TNRC6B: variants seen among roughly 807,000 people sequenced by gnomAD.
TNRC6B encodes trinucleotide repeat containing adaptor 6B.
Under a neutral mutation model 203.6 loss-of-function variants are expected in TNRC6B, and 52 were observed. That is an observed-to-expected ratio of 0.26 (90% CI 0.20 to 0.32). TNRC6B has a LOEUF of 0.32. TNRC6B is among the 10% of genes least tolerant of loss of function. The pLI is 1.00. For synonymous variants in TNRC6B, 838 were observed against 845.7 expected, an observed-to-expected ratio of 0.99 and a Z score of 0.16; for missense variants, 1,923 against 2,286.2, an observed-to-expected ratio of 0.84 and a Z score of 3.24.
chr22:40,214,549 G>GTTTTTT (rs71735740), intron 1 of TNRC6B, among the ~76,000 whole-genome samples: 1 of 148,208 alleles, frequency 6.7e-6, no homozygotes. Context: ...TCTTTCTGTG[G>GTTTTTT]TTTTTTTTTT....
At chr22:40,154,323 G>A (rs926379629) in intron 3 of TNRC6B, among the ~76,000 whole-genome samples, 7 of 151,840 alleles carry the variant, frequency 4.6e-5, no homozygotes, top group African/African-American at 1.7e-4. Context: ...AATCAGCTGG[G>A]CGTGGTGGCA....
intron 4 of TNRC6B, among the ~76,000 whole-genome samples, chr22:40,170,429 A>G (rs1189194709): frequency 3.8e-5 from 1 of 26,204 alleles, no homozygotes; most frequent in East Asian, 8.3e-4. Flanking sequence ...TATATATTAT[A>G]TATATAGTTT....
intron 2 of TNRC6B, among the ~76,000 whole-genome samples, chr22:40,117,699 T>TA (rs2068402844): frequency 6.6e-6 from 1 of 152,194 alleles, no homozygotes; most frequent in African/African-American, 2.4e-5. Flanking sequence ...TTTCTCTTTT[T>TA]AGAGCTTGGA....
intron 3 of TNRC6B, among the ~76,000 whole-genome samples, chr22:40,152,545 G>A (rs952351564): frequency 1.3e-5 from 2 of 152,048 alleles, no homozygotes; most frequent in Non-Finnish European, 2.9e-5. Flanking sequence ...AGCCAGGATG[G>A]TCTCGATCTC....
Position 40,331,433 on chromosome 22 carries a change from A to C in TNRC6B, c.*8192A>C, listed in dbSNP as rs2071464577. 2 of 334,522 alleles carry C rather than the reference A, an allele frequency of 6.0e-6. No homozygotes were observed. The highest frequency in any genetic ancestry group is 2.1e-5 in the African/African-American group (1 of 47,474). 20.7% of individuals were successfully genotyped at this position (334,522 alleles called of 1,614,324 possible). A position where few individuals can be genotyped will look rare whatever the true frequency, so the allele number is the denominator to read the frequency against. The stretch of plus-strand genomic sequence containing the variant: ...CACTCCTATCTTCTAAAGAAATATC[A>C]AGCAAATGCTAAGGGCCATTTCCAT... On this transcript the variant is annotated 3_prime_UTR_variant, in exon 23 of 23. Coordinates refer to ENST00000454349, the MANE Select transcript of TNRC6B (RefSeq NM_001162501.2).
intron 1 of TNRC6B, among the ~76,000 whole-genome samples, chr22:40,053,286 C>T (rs1296157178): frequency 1.3e-5 from 2 of 152,018 alleles, no homozygotes; most frequent in East Asian, 3.9e-4. Flanking sequence ...CCGAAAGCAG[C>T]TTCAAAAGTA....
chr22:40,056,111 A>G (rs1432388089), intron 1 of TNRC6B, among the ~76,000 whole-genome samples: 3 of 152,128 alleles, frequency 2.0e-5, no homozygotes, highest in Non-Finnish European at 4.4e-5. Context: ...ACTCTTAAGT[A>G]GTGTCTCCTT....
At chr22:40,158,880 T>TA (rs1601848798) in intron 4 of TNRC6B, among the ~76,000 whole-genome samples, 1 of 152,232 alleles carries the variant, frequency 6.6e-6, no homozygotes, top group East Asian at 1.9e-4. Flanking sequence ...AAATTTTTTT[T>TA]AAATCTCAGA....
chr22:40,273,401 A>G, intron 6 of TNRC6B, 24 bp from the exon 7 acceptor site: 1 of 1,572,376 alleles, frequency 6.4e-7, no homozygotes, highest in Non-Finnish European at 8.6e-7. Flanking sequence ...TGTTGCAAAG[A>G]GTTAATTCAT....
intron 3 of TNRC6B, among the ~76,000 whole-genome samples, chr22:40,144,181 G>A (rs6001800): frequency 0.4 from 60,343 of 152,092 alleles, 17,400 homozygotes; most frequent in African/African-American, 0.82. Flanking sequence ...AATGTTAAAC[G>A]AACTTCCACC....
intron 3 of TNRC6B, among the ~76,000 whole-genome samples, chr22:40,155,482 T>C (rs558046366): frequency 6.6e-6 from 1 of 152,134 alleles, no homozygotes; most frequent in African/African-American, 2.4e-5. Flanking sequence ...AGAGACGGAG[T>C]TTCACCATGT....
intron 1 of TNRC6B, among the ~76,000 whole-genome samples, chr22:40,245,639 G>A (rs971039951): frequency 1.3e-5 from 2 of 152,116 alleles, no homozygotes; most frequent in Non-Finnish European, 2.9e-5. Flanking sequence ...CATTATCTGT[G>A]AGGAATACTG....
At position 40,048,044 on chromosome 22, in the gene TNRC6B, C is replaced by T. The variant is rs538630930; in HGVS notation, c.-121+3046C>T. On this transcript the variant is annotated intron_variant, in intron 1 of 23. Transcript: ENST00000301923. ...GAAAAAATACTTAAATGGAGCAACT[C>T]ATGGGGTCTTGGAAAATTCTGTCAG... 2.5e-3 allele frequency among the ~76,000 whole-genome samples: 388 copies of T among 152,320 alleles called. 1 individual carries two copies. Among genetic ancestry groups the T allele is most frequent in the Non-Finnish European group, 3.7e-3 (249 of 68,036 alleles).
chr22:40,197,096 G>C (rs1050513771), intron 1 of TNRC6B, among the ~76,000 whole-genome samples: 1 of 152,070 alleles, frequency 6.6e-6, no homozygotes, highest in Non-Finnish European at 1.5e-5. Flanking sequence ...TAATTGATTG[G>C]TTGAATCCCT....
rs1451862293 is a variant in TNRC6B at position 40,075,154 on chromosome 22, ATATTTT to A, written c.-121+30158_-121+30163del. Among the ~76,000 whole-genome samples, 5 of 55,376 alleles carry A rather than the reference ATATTTT, an allele frequency of 9.0e-5. No individual in the cohort carries two copies. In the East Asian group the frequency reaches 1.2e-3, roughly 13 times the overall value. 36.3% of individuals were successfully genotyped at this position (55,376 alleles called of 152,430 possible). A position where few individuals can be genotyped will look rare whatever the true frequency, so the allele number is the denominator to read the frequency against. On this transcript the variant is annotated intron_variant, in intron 1 of 23. Coordinates refer to the TNRC6B transcript ENST00000301923. The stretch of plus-strand genomic sequence containing the variant: ...GTTCTGTTCATATATATATATATAT[ATATTTT>A]TTTTTTTTTTTTTTTTTTTCTTACT...
At chr22:40,293,168 A>G (rs1187187203) in intron 12 of TNRC6B, among the ~76,000 whole-genome samples, 2 of 147,214 alleles carry the variant, frequency 1.4e-5, no homozygotes, top group Non-Finnish European at 3.0e-5. Flanking sequence ...TGTTATGAGC[A>G]GTGCTGCTAT....
In TNRC6B at chr22:40,201,964, C is replaced by G. The variant is rs80198197; in HGVS notation, c.5+23824C>G. On this transcript the variant is annotated intron_variant, in intron 1 of 22. Transcript: ENST00000454349. ...TTCCCAGACATTTCAATAAGGAATA[C>G]TCAATTTGTAATACCATTTTAGAAT... Among the ~76,000 whole-genome samples the G allele has an allele frequency of 2.6e-3, 393 of 152,212 alleles. 1 individual carries two copies. The highest frequency in any genetic ancestry group is 9.1e-3 in the African/African-American group (380 of 41,536).
chr22:40,193,027 C>G (rs1423023120), intron 1 of TNRC6B, among the ~76,000 whole-genome samples: 2 of 152,042 alleles, frequency 1.3e-5, no homozygotes, highest in Non-Finnish European at 2.9e-5. Context: ...AAGAGAAACC[C>G]GAAAAGGAAG....
intron 15 of TNRC6B, among the ~76,000 whole-genome samples, chr22:40,301,874 G>A (rs1330216226): frequency 6.6e-6 from 1 of 152,114 alleles, no homozygotes; most frequent in Non-Finnish European, 1.5e-5. Context: ...GTGTATGAAT[G>A]GCAAACTGCT....
Sources: allele counts gnomAD v4.1 joint callset (sites outside exome capture counted in the v4.1 genomes callset), GRCh38; gene constraint gnomAD v4.1.1; transcripts MANE v1.5; gene names NCBI Gene and HGNC (gene_info 2026-07-23, HGNC 2026-07-21).